SMYD3: variants seen among roughly 807,000 people sequenced by gnomAD.
SMYD3 encodes the protein SET and MYND domain containing 3.
SMYD3 carries 36 observed loss-of-function variants against 57.7 expected under a neutral mutation model. That is an observed-to-expected ratio of 0.62 (90% CI 0.48 to 0.82). SMYD3 has a LOEUF of 0.82. SMYD3 is among the 40% of genes least tolerant of loss of function. The pLI is 0.00. For synonymous variants in SMYD3, 211 were observed against 195.0 expected, an observed-to-expected ratio of 1.08 and a Z score of -0.68; for missense variants, 515 against 538.8, an observed-to-expected ratio of 0.96 and a Z score of 0.44.
At chr1:246,146,795 G>A (rs570987562) in intron 5 of SMYD3, among the ~76,000 whole-genome samples, 5 of 152,294 alleles carry the variant, frequency 3.3e-5, no homozygotes, top group East Asian at 3.9e-4. Context: ...ATTCTGAGAG[G>A]AGGAAGGGGA....
At chr1:245,865,826 T>G (rs2051803566) in intron 8 of SMYD3, among the ~76,000 whole-genome samples, 1 of 152,208 alleles carries the variant, frequency 6.6e-6, no homozygotes, top group South Asian at 2.1e-4. Flanking sequence ...ACTATGTCAT[T>G]GCAGAAAGTC....
Position 245,763,570 on chromosome 1 carries a change from TG to T in SMYD3, c.1185+470del, listed in dbSNP as rs1477452683. Among the ~76,000 whole-genome samples the T allele has an allele frequency of 9.9e-5, 15 of 151,750 alleles. 1 individual carries two copies. The highest frequency in any genetic ancestry group is 3.6e-4 in the African/African-American group (15 of 41,250). Reference sequence around the variant, plus strand: ...GGTCCTGGTGAACAGCAGTGATCACTGGGTGGGTGGAAAGGAAGAGAGGAAG... The same window carrying T: ...GGTCCTGGTGAACAGCAGTGATCACTGGTGGGTGGAAAGGAAGAGAGGAAG... On this transcript the variant is annotated intron_variant, in intron 11 of 11. Coordinates refer to ENST00000490107, the MANE Select transcript of SMYD3 (RefSeq NM_001167740.2).
chr1:246,191,890 G>C (rs1044955231), intron 5 of SMYD3, among the ~76,000 whole-genome samples: 1 of 152,154 alleles, frequency 6.6e-6, no homozygotes, highest in Non-Finnish European at 1.5e-5. Flanking sequence ...GTCCCACCCA[G>C]TCCTAATAAA....
At chr1:246,493,176 T>C (rs2068296967) in intron 1 of SMYD3, among the ~76,000 whole-genome samples, 1 of 135,874 alleles carries the variant, frequency 7.4e-6, no homozygotes, top group Non-Finnish European at 1.6e-5. Flanking sequence ...AAGGAGGAGG[T>C]GGCCAGGCAC....
In SMYD3 at chr1:245,786,462, G is replaced by A. The variant is rs551514323; in HGVS notation, c.1077-22313C>T. On this transcript the variant is annotated intron_variant, in intron 10 of 11. Coordinates refer to ENST00000490107, the MANE Select transcript of SMYD3 (RefSeq NM_001167740.2). ...CGAGGTGATTTGGCCAAGTCTTCAC[G>A]GCGTGAAAGGGCTGAGATCGGAACT... is the stretch of plus-strand genomic sequence containing the variant. 2.5e-3 allele frequency among the ~76,000 whole-genome samples: 380 copies of A among 152,168 alleles called. 1 individual carries two copies. Among genetic ancestry groups the A allele is most frequent in the African/African-American group, 8.6e-3 (358 of 41,520 alleles).
At chr1:245,905,067 C>G (rs1212195015) in intron 8 of SMYD3, among the ~76,000 whole-genome samples, 1 of 151,906 alleles carries the variant, frequency 6.6e-6, no homozygotes, top group Non-Finnish European at 1.5e-5. Context: ...CTGAAGAACC[C>G]TTGGGCCCCG....
chr1:246,088,597 G>C (rs71638314), intron 5 of SMYD3, among the ~76,000 whole-genome samples: 11,352 of 84,376 alleles, frequency 0.13, 608 homozygotes, highest in African/African-American at 0.23. Context: ...GCGACAGGGC[G>C]AGACTCCGTC....
At chr1:245,867,746 C>T (rs1364164913) in intron 8 of SMYD3, among the ~76,000 whole-genome samples, 3 of 152,048 alleles carry the variant, frequency 2.0e-5, no homozygotes, top group African/African-American at 4.8e-5. Context: ...AATACTGGCA[C>T]CAGGGAGTTC....
intron 5 of SMYD3, among the ~76,000 whole-genome samples, chr1:246,115,436 C>T (rs939301016): frequency 6.6e-6 from 1 of 152,146 alleles, no homozygotes; most frequent in Non-Finnish European, 1.5e-5. Flanking sequence ...GACCCCTTCC[C>T]CTACACACAC....
At chr1:246,053,598 T>G (rs12748550) in intron 5 of SMYD3, among the ~76,000 whole-genome samples, 9,746 of 152,136 alleles carry the variant, frequency 0.064, 356 homozygotes, top group African/African-American at 0.075. Context: ...GGAACAACTG[T>G]ATATTTGTGT....
intron 11 of SMYD3, among the ~76,000 whole-genome samples, chr1:245,754,251 C>T (rs181767443): frequency 2.6e-5 from 4 of 151,812 alleles, no homozygotes; most frequent in African/African-American, 9.7e-5. Flanking sequence ...TATACCTCTC[C>T]TATTAATTTT....
chr1:246,165,597 T>C (rs1013370318), intron 5 of SMYD3, among the ~76,000 whole-genome samples: 1 of 152,132 alleles, frequency 6.6e-6, no homozygotes, highest in African/African-American at 2.4e-5. Flanking sequence ...ATCTTCCACC[T>C]TATAGCCTCA....
chr1:245,832,296 G>A (rs1196486702), intron 10 of SMYD3, among the ~76,000 whole-genome samples: 1 of 152,142 alleles, frequency 6.6e-6, no homozygotes, highest in African/African-American at 2.4e-5. Flanking sequence ...CCTTCAGGCT[G>A]GGAATTTATC....
At chr1:246,021,266 T>C (rs1464995247) in intron 5 of SMYD3, among the ~76,000 whole-genome samples, 4 of 152,242 alleles carry the variant, frequency 2.6e-5, no homozygotes, top group African/African-American at 4.8e-5. Flanking sequence ...CAGAGGAGCT[T>C]TGAAGCCTTC....
At chr1:246,267,199 A>ATT (rs1226436613) in intron 5 of SMYD3, among the ~76,000 whole-genome samples, 1 of 152,210 alleles carries the variant, frequency 6.6e-6, no homozygotes, top group Non-Finnish European at 1.5e-5. Context: ...AGATAACGGA[A>ATT]TACATACATA....
chr1:246,384,867 CATT>C (rs1214644709), intron 1 of SMYD3, among the ~76,000 whole-genome samples: 3 of 152,134 alleles, frequency 2.0e-5, no homozygotes, highest in Non-Finnish European at 4.4e-5. Flanking sequence ...TGTCAAAAGA[CATT>C]ATTTGTAGTA....
intron 5 of SMYD3, among the ~76,000 whole-genome samples, chr1:246,261,209 C>A (rs1325650962): frequency 1.3e-5 from 2 of 152,090 alleles, no homozygotes; most frequent in African/African-American, 4.8e-5. Context: ...CAGGCGCCCG[C>A]CACCACGCCT....
intron 5 of SMYD3, chr1:246,034,771 G>C (rs2059740109): frequency 6.6e-6 from 1 of 152,344 alleles, no homozygotes; most frequent in Admixed American, 6.5e-5. Context: ...GCAGACGCAC[G>C]ACCTTGGCCT....
intron 5 of SMYD3, among the ~76,000 whole-genome samples, chr1:246,047,323 C>T (rs1300524929): frequency 6.6e-6 from 1 of 152,136 alleles, no homozygotes; most frequent in African/African-American, 2.4e-5. Flanking sequence ...GAACAATTAA[C>T]CAGATAGCAC....
Sources: allele counts gnomAD v4.1 joint callset (sites outside exome capture counted in the v4.1 genomes callset), GRCh38; gene constraint gnomAD v4.1.1; transcripts MANE v1.5; gene names NCBI Gene and HGNC (gene_info 2026-07-23, HGNC 2026-07-21).